The following RCE1 variants were observed in gnomAD, a reference collection of about 807,000 sequenced individuals.
RCE1 encodes the protein CAAX prenyl protease 2.
In RCE1, 15 loss-of-function variants were observed where a neutral mutation model predicts 35.0. That is an observed-to-expected ratio of 0.43 (90% CI 0.29 to 0.66). The LOEUF is 0.66. Ranked by LOEUF, RCE1 falls within the 30% of genes least tolerant of loss-of-function variation. The pLI is 0.17. For synonymous variants in RCE1, 261 were observed against 192.7 expected (o/e 1.35, Z -2.94); for missense variants, 434 against 433.0 (o/e 1.00, Z -0.02).
chr11:66,845,375 T>C (rs1945188528), intron 6 of RCE1, 125 bp from the exon 7 acceptor site: 1 of 1,574,222 alleles, frequency 6.4e-7, no homozygotes, highest in South Asian at 1.1e-5. Flanking sequence ...AGGACAGCTG[T>C]AGGTGGTGGG....
At chr11:66,845,405 G>C (rs770384773) in intron 6 of RCE1, 95 bp from the exon 7 acceptor site, 97 of 1,599,766 alleles carry the variant, frequency 6.1e-5, no homozygotes, top group East Asian at 3.1e-4. Context: ...TACTGCCCCG[G>C]GGGGAGGGGA....
Position 66,845,194 on chromosome 11 carries a change from G to C in RCE1, c.648G>C (p.Leu216=). Reference sequence around the variant, plus strand: ...ATTTTCACCATATTATTGAGCAGCTGCGTTTCCGCCAGAGCAGCGTGGGGA... The same window carrying C: ...ATTTTCACCATATTATTGAGCAGCTCCGTTTCCGCCAGAGCAGCGTGGGGA... ...VAHFHHIIEQ[L]RFRQSSVGNI... Residue 216 remains leucine (L), a synonymous_variant, in exon 6 of 8, where the codon CTG becomes CTC. Transcript: ENST00000309657. The C allele has an allele frequency of 6.2e-7, 1 of 1,614,246 alleles. No individual in the cohort carries two copies. The highest frequency in any genetic ancestry group is 8.5e-7 in the Non-Finnish European group (1 of 1,180,052).
chr11:66,843,861 G>A lies in RCE1; in HGVS notation c.288G>A (p.Gln96=). The A allele has an allele frequency of 6.2e-7, 1 of 1,614,094 alleles. No homozygotes were observed. Among genetic ancestry groups the A allele is most frequent in the Non-Finnish European group, 8.5e-7 (1 of 1,180,024 alleles). Residue 96 remains glutamine, a splice_region_variant and synonymous_variant, in exon 2 of 8, where the codon CAG becomes CAA. Transcript: ENST00000309657. ...VLLWRELTGI[Q]PGTSLLTLMG... ...TCTGGAGGGAACTCACAGGCATCCA[G>A]GTGCGAAGGAGGCGGGGCAAAGGGC... is the stretch of plus-strand genomic sequence containing the variant.
rs774108473 is a variant in RCE1 at position 66,843,516 on chromosome 11, CCCGAGTCGGCGGCGCTGGGCGG to C, written c.64_85del (p.Glu22TrpfsTer76). On this transcript the variant is annotated frameshift_variant, in exon 1 of 8. Coordinates refer to ENST00000309657, the MANE Select transcript of RCE1 (RefSeq NM_005133.3). LOFTEE classifies it high-confidence loss of function. ...GTCGGTGTCGCGGCCGGAGCGGCCG[CCCGAGTCGGCGGCGCTGGGCGG>C]CCTGGGCCCCGGGCTGTGCTGCTGG... The C allele has an allele frequency of 1.3e-6, 2 of 1,498,640 alleles. No homozygotes were observed. Among genetic ancestry groups the C allele is most frequent in the Non-Finnish European group, 1.8e-6 (2 of 1,133,992 alleles). 92.8% of individuals were successfully genotyped at this position (1,498,640 alleles called of 1,614,324 possible).
At chr11:66,843,693 G>A (rs1331032136) in intron 1 of RCE1, 53 bp downstream of exon 1, 5 of 1,602,998 alleles carry the variant, frequency 3.1e-6, no homozygotes, top group Non-Finnish European at 3.4e-6. Flanking sequence ...GAGCTTGGGC[G>A]AGCCGGGGGC....
In RCE1 at chr11:66,845,211, G is replaced by C. The variant is rs1945183561; in HGVS notation, c.665G>C (p.Ser222Thr). 1 of 1,614,130 alleles carries C rather than the reference G, an allele frequency of 6.2e-7. No individual in the cohort carries two copies. Among genetic ancestry groups the C allele is most frequent in the Admixed American group, 1.7e-5 (1 of 60,010 alleles). The change falls in exon 6 of 8, where the codon AGC becomes ACC. Residue 222 changes from serine (S) to threonine (T), a missense_variant. Physicochemically the swap from Ser to Thr is moderately conservative, Grantham distance 58. Transcript: ENST00000309657. ...IIEQLRFRQSSVGNIFLSAAF... is the reference protein window; with the variant it reads ...IIEQLRFRQSTVGNIFLSAAF... ...GAGCAGCTGCGTTTCCGCCAGAGCAGCGTGGGGAACATCTTCTTGTCTGCT... is the reference window on the plus strand; with the variant it reads ...GAGCAGCTGCGTTTCCGCCAGAGCACCGTGGGGAACATCTTCTTGTCTGCT...
chr11:66,844,739 T>TC, intron 4 of RCE1, 130 bp from the exon 5 acceptor site: 1 of 1,295,164 alleles, frequency 7.7e-7, no homozygotes, highest in Non-Finnish European at 1.0e-6. Flanking sequence ...CACACCCCCG[T>TC]CCTCAGCAGT....
chr11:66,844,466 ATC>A, intron 4 of RCE1, 102 bp downstream of exon 4: 1 of 1,458,276 alleles, frequency 6.9e-7, no homozygotes, highest in East Asian at 2.3e-5. Flanking sequence ...GTGAAATGTC[ATC>A]TCTCTGGGTG....
chr11:66,844,825 C>CT (rs1945173102), intron 4 of RCE1, 44 bp from the exon 5 acceptor site: 1 of 1,500,928 alleles, frequency 6.7e-7, no homozygotes, highest in Non-Finnish European at 8.9e-7. Context: ...GTCTCACTGT[C>CT]TGACAGCCCG....
At position 66,845,252 on chromosome 11, in the gene RCE1, G is replaced by C. The variant is rs375060428; in HGVS notation, c.691+15G>C. ...CTTGTCTGCTGGTGAGTCCTGGCTA[G>C]CTGGCCTGGGTTAGGGTGTATGATG... On this transcript the variant is annotated intron_variant, in intron 6 of 7. Transcript: ENST00000309657. 2.5e-6 allele frequency: 4 copies of C among 1,614,204 alleles called. No individual in the cohort carries two copies. The African/African-American group carries it at 5.3e-5, about 22-fold the overall frequency.
chr11:66,843,747 T>C lies in RCE1; in HGVS notation c.186-12T>C. On this transcript the variant is annotated splice_polypyrimidine_tract_variant and intron_variant, in intron 1 of 7. Transcript: ENST00000309657. ...AGCCGCGGGCCCCCTGAACTTACTG[T>C]CCCCTCCGTAGGGACCATCCCGCGG... 6.2e-7 allele frequency: 1 copy of C among 1,612,688 alleles called. No homozygotes were observed. Among genetic ancestry groups the C allele is most frequent in the Non-Finnish European group, 8.5e-7 (1 of 1,179,758 alleles).
intron 5 of RCE1, 36 bp downstream of exon 5, chr11:66,845,072 G>A: frequency 6.2e-7 from 1 of 1,608,688 alleles, no homozygotes; most frequent in Non-Finnish European, 8.5e-7. Flanking sequence ...TGTGTTTTCA[G>A]CATGAGAGCT....
At position 66,845,122 on chromosome 11, in the gene RCE1, G is replaced by A. The variant is rs374055495; in HGVS notation, c.620-44G>A. 1,063 of 1,614,124 alleles carry A rather than the reference G, an allele frequency of 6.6e-4. 15 individuals are homozygous for A. In the South Asian group the frequency reaches 0.011, roughly 16 times the overall value. ...AGGTGAGGGGCAGTCCTAGAAGGGA[G>A]GCTGGGAGGAATGACTGTGATGTGA... On this transcript the variant is annotated intron_variant, in intron 5 of 7. Coordinates refer to ENST00000309657, the MANE Select transcript of RCE1 (RefSeq NM_005133.3).
In RCE1 at chr11:66,843,461, G is replaced by A; in HGVS notation, c.6G>A (p.Ala2=). The change falls in exon 1 of 8, where the codon GCG becomes GCA. Residue 2 remains alanine (A), a synonymous_variant. Coordinates refer to ENST00000309657, the MANE Select transcript of RCE1 (RefSeq NM_005133.3). ...GCGCCGCGGGTCAGGGCGCAATGGC[G>A]GCGCTGGGCGGGGATGGGCTGCGAC... The part of the protein sequence containing the change: M[A]ALGGDGLRLL... 5 of 1,408,842 alleles carry A rather than the reference G, an allele frequency of 3.5e-6. No individual in the cohort carries two copies. Among genetic ancestry groups the A allele is most frequent in the African/African-American group, 1.5e-5 (1 of 65,570 alleles). 87.3% of individuals were successfully genotyped at this position (1,408,842 alleles called of 1,614,324 possible). A position where few individuals can be genotyped will look rare whatever the true frequency, so the allele number is the denominator to read the frequency against.
chr11:66,843,918 G>T (rs754289861), intron 2 of RCE1, 38 bp from the exon 3 acceptor site: 3 of 1,614,088 alleles, frequency 1.9e-6, no homozygotes, highest in Non-Finnish European at 2.5e-6. Flanking sequence ...GTCTTTAGGG[G>T]AGGAAGCAAA....
At chr11:66,844,535 G>A (rs1377230774) in intron 4 of RCE1, among the ~76,000 whole-genome samples, 171 bp downstream of exon 4, 2 of 152,182 alleles carry the variant, frequency 1.3e-5, no homozygotes, top group Non-Finnish European at 2.9e-5. Context: ...AGGGTTGATT[G>A]CCAACGTCCA....
intron 7 of RCE1, 85 bp from the exon 8 acceptor site, chr11:66,845,775 G>GT: frequency 6.5e-7 from 1 of 1,535,416 alleles, no homozygotes; most frequent in Non-Finnish European, 8.8e-7. Flanking sequence ...TTGATCTCCT[G>GT]TTTCAGGGGA....
In RCE1 at chr11:66,843,448, AG is replaced by A. The variant is rs1945131549; in HGVS notation, c.-5del. 7.1e-7 allele frequency: 1 copy of A among 1,399,834 alleles called. No individual in the cohort carries two copies. Among genetic ancestry groups the A allele is most frequent in the Admixed American group, 3.7e-5 (1 of 27,372 alleles). The allele number at this position is 1,399,834 out of a possible 1,614,324, so 86.7% of individuals were successfully genotyped here. On this transcript the variant is annotated 5_prime_UTR_variant, in exon 1 of 8. Coordinates refer to ENST00000309657, the MANE Select transcript of RCE1 (RefSeq NM_005133.3). Reference sequence around the variant, plus strand: ...GCGTCACTGGTGCGCGCCGCGGGTCAGGGCGCAATGGCGGCGCTGGGCGGGG... The same window carrying A: ...GCGTCACTGGTGCGCGCCGCGGGTCAGGCGCAATGGCGGCGCTGGGCGGGG...
chr11:66,844,347 G>A lies in RCE1; in HGVS notation c.434G>A (p.Gly145Glu), dbSNP rs1405223264. The A allele has an allele frequency of 6.2e-7, 1 of 1,614,178 alleles. No homozygotes were observed. Among genetic ancestry groups the A allele is most frequent in the South Asian group, 1.1e-5 (1 of 91,078 alleles). The change falls in exon 4 of 8, where the codon GGG becomes GAG. Residue 145 changes from glycine (G) to glutamate (E), a missense_variant. By Grantham distance (98) the Gly-to-Glu change is moderately conservative. Transcript: ENST00000309657. ...SMDCPCDLAD[G>E]LKVVLAPRSW... ...GATTGCCCTTGTGACCTGGCAGATG[G>A]GCTGAAGGTTGTCCTGGGTGAGTCT...
Sources: allele counts gnomAD v4.1 joint callset (sites outside exome capture counted in the v4.1 genomes callset), GRCh38; gene constraint gnomAD v4.1.1; transcripts MANE v1.5; gene names NCBI Gene and HGNC (gene_info 2026-07-23, HGNC 2026-07-21).